The following ABCA12 variants were observed in gnomAD, a reference collection of about 807,000 sequenced individuals.
ABCA12 encodes glucosylceramide transporter ABCA12.
A neutral mutation model predicts 293.5 loss-of-function variants in ABCA12; 156 were observed. The observed-to-expected ratio is 0.53, with a 90% CI of 0.47 to 0.61. The LOEUF (loss-of-function observed/expected upper bound fraction) is 0.61. ABCA12 is among the 20% of genes least tolerant of loss of function. The pLI is 0.00. For synonymous variants in ABCA12, 1,063 were observed against 1,108.0 expected (o/e 0.96, Z 0.81); for missense variants, 2,797 against 3,090.2 (o/e 0.91, Z 2.25).
rs1699448533 is a variant in ABCA12, at chr2:214,973,940, C to G, written c.5562+9G>C. 1.2e-6 allele frequency: 2 copies of G among 1,610,652 alleles called. No homozygotes were observed. Among genetic ancestry groups the G allele is most frequent in the African/African-American group, 2.7e-5 (2 of 74,812 alleles). ...TTTCCCATTTCACTGAAACTGAATTCCATCTTACCTGGACATTTTCTGAGC... is the reference window on the plus strand; with the variant it reads ...TTTCCCATTTCACTGAAACTGAATTGCATCTTACCTGGACATTTTCTGAGC... On this transcript the variant is annotated intron_variant, in intron 36 of 52. Transcript: ENST00000272895.
chr2:215,095,773 C>T (rs1396996805), intron 2 of ABCA12, among the ~76,000 whole-genome samples: 1 of 152,174 alleles, frequency 6.6e-6, no homozygotes, highest in African/African-American at 2.4e-5. Flanking sequence ...TAACTGATGA[C>T]ATTACCTTGT....
At chr2:214,932,840 G>A in intron 52 of ABCA12, 99 bp from the exon 53 acceptor site, 1 of 851,834 alleles carries the variant, frequency 1.2e-6, no homozygotes. Flanking sequence ...CTCTCCTAGT[G>A]CAAGCGTGTA....
At chr2:215,026,632 C>A (rs1700750633) in intron 10 of ABCA12, among the ~76,000 whole-genome samples, 188 bp downstream of exon 10, 1 of 152,170 alleles carries the variant, frequency 6.6e-6, no homozygotes, top group South Asian at 2.1e-4. Context: ...GCAGCAGCAA[C>A]AGAATAATAT....
At chr2:214,981,220 C>T (rs1220966066) in intron 30 of ABCA12, among the ~76,000 whole-genome samples, 2 of 152,000 alleles carry the variant, frequency 1.3e-5, no homozygotes, top group Admixed American at 6.6e-5. Context: ...TAAATGTTCA[C>T]CATTTGTCAT....
chr2:215,001,863 C>G lies in ABCA12; in HGVS notation c.2684-126G>C, dbSNP rs1251011838. 3.5e-6 allele frequency: 3 copies of G among 869,110 alleles called. No individual in the cohort carries two copies. In the African/African-American group the frequency reaches 5.1e-5, roughly 15 times the overall value. 53.8% of individuals were successfully genotyped at this position (869,110 alleles called of 1,614,324 possible). On this transcript the variant is annotated intron_variant, in intron 20 of 52. Coordinates refer to ENST00000272895, the MANE Select transcript of ABCA12 (RefSeq NM_173076.3). ...AAATAACAAAAGCCTGCAGAATTTACTCTAAAAATATCTAGTATTCTACAC... is the reference window on the plus strand; with the variant it reads ...AAATAACAAAAGCCTGCAGAATTTAGTCTAAAAATATCTAGTATTCTACAC...
intron 39 of ABCA12, among the ~76,000 whole-genome samples, chr2:214,959,967 G>A (rs545850886): frequency 9.9e-5 from 15 of 152,200 alleles, no homozygotes; most frequent in Admixed American, 2.6e-4. Context: ...TGTTCCTATA[G>A]TGTCATAAAC....
At chr2:215,057,684 G>A (rs565449957) in intron 3 of ABCA12, among the ~76,000 whole-genome samples, 2 of 152,124 alleles carry the variant, frequency 1.3e-5, no homozygotes, top group East Asian at 3.9e-4. Flanking sequence ...AAAGCCTACA[G>A]TGTATTATGT....
intron 2 of ABCA12, among the ~76,000 whole-genome samples, chr2:215,069,983 G>A (rs897716806): frequency 5.3e-5 from 8 of 152,164 alleles, no homozygotes; most frequent in African/African-American, 1.7e-4. Context: ...GAACCCCTGG[G>A]GGAGTCCGAG....
chr2:215,064,214 G>A lies in ABCA12; in HGVS notation c.169C>T (p.Leu57Phe), dbSNP rs1415034950. The change falls in exon 3 of 53, where the codon CTC (leucine) becomes TTC (phenylalanine). Residue 57 changes from leucine (L) to phenylalanine (F), a missense_variant. By Grantham distance (22) the Leu-to-Phe change is conservative. Coordinates refer to ENST00000272895, the MANE Select transcript of ABCA12 (RefSeq NM_173076.3). ...FPPTAKPTCYLAPRNLPSTGF... is the reference protein window; with the variant it reads ...FPPTAKPTCYFAPRNLPSTGF... ...GTACTAGGAAGGTTTCGAGGTGCGAGGTAACCTAAAATTAAAAAAACAGTC... is the reference window on the plus strand; with the variant it reads ...GTACTAGGAAGGTTTCGAGGTGCGAAGTAACCTAAAATTAAAAAAACAGTC... The A allele has an allele frequency of 6.2e-7, 1 of 1,612,218 alleles. No individual in the cohort carries two copies. Among genetic ancestry groups the A allele is most frequent in the Admixed American group, 1.7e-5 (1 of 59,816 alleles).
chr2:215,055,104 T>C (rs951781643), intron 3 of ABCA12, among the ~76,000 whole-genome samples: 6 of 152,102 alleles, frequency 3.9e-5, no homozygotes, highest in African/African-American at 1.4e-4. Flanking sequence ...AGATGGCCTT[T>C]TAAAGATTTT....
chr2:215,062,295 C>T (rs1701544658), intron 3 of ABCA12, among the ~76,000 whole-genome samples: 1 of 152,112 alleles, frequency 6.6e-6, no homozygotes, highest in Admixed American at 6.6e-5. Flanking sequence ...GAAGGAATGC[C>T]ATTCTTCTTC....
chr2:215,124,768 G>C (rs781509441), intron 1 of ABCA12, among the ~76,000 whole-genome samples: 31 of 152,106 alleles, frequency 2.0e-4, no homozygotes, highest in Non-Finnish European at 1.0e-4. Context: ...TGTTTATTCT[G>C]CTGACTGTTC....
rs113648834 is a variant in ABCA12, at chr2:215,111,629, C to T, written c.131G>A (p.Arg44Gln). 2.6e-5 allele frequency: 42 copies of T among 1,613,016 alleles called. No individual in the cohort carries two copies. The South Asian group carries it at 2.9e-4, about 11-fold the overall frequency. ...TTTTGCAGTTGGAGGAAATTTGGTC[C>T]GAGTAATAGCCAAAATTATGAAAAT... ...VIIFIILAIT[R>Q]TKFPPTAKPT... is the part of the protein sequence containing the mutation. Residue 44 changes from arginine (R) to glutamine (Q), a missense_variant, in exon 2 of 53, where the codon CGG becomes CAG. Physicochemically the swap from Arg to Gln is conservative, Grantham distance 43. Transcript: ENST00000272895.
intron 2 of ABCA12, among the ~76,000 whole-genome samples, chr2:215,096,156 T>C (rs1300733110): frequency 6.6e-6 from 1 of 152,218 alleles, no homozygotes; most frequent in African/African-American, 2.4e-5. Flanking sequence ...ACTATATGCA[T>C]CTATAGACTG....
chr2:214,994,579 G>C (rs1031675563), intron 23 of ABCA12, among the ~76,000 whole-genome samples: 7 of 152,128 alleles, frequency 4.6e-5, no homozygotes, highest in African/African-American at 1.7e-4. Context: ...AGAATGTCAA[G>C]TACTAACTCA....
Position 215,000,746 on chromosome 2 carries a change from G to A in ABCA12, c.3138C>T (p.Val1046=), listed in dbSNP as rs1393203446. ...AGGGATAAGGAATTGCTTGAACCTGGACTGCTATTTCCTGGGAGTTCCTTC... is the reference window on the plus strand; with the variant it reads ...AGGGATAAGGAATTGCTTGAACCTGAACTGCTATTTCCTGGGAGTTCCTTC... ...QTGRNSQEIA[V]QVQAIPYPCF... The change falls in exon 22 of 53, where the codon GTC becomes GTT. Residue 1046 remains valine, a synonymous_variant. Transcript: ENST00000272895. The A allele has an allele frequency of 6.2e-6, 10 of 1,614,040 alleles. No homozygotes were observed. Among genetic ancestry groups the A allele is most frequent in the African/African-American group, 2.7e-5 (2 of 75,022 alleles).
intron 2 of ABCA12, among the ~76,000 whole-genome samples, chr2:215,109,371 T>C (rs1223702948): frequency 6.6e-6 from 1 of 152,224 alleles, no homozygotes; most frequent in Non-Finnish European, 1.5e-5. Flanking sequence ...TCTCCCTGTG[T>C]TGCAGGTTTC....
intron 1 of ABCA12, among the ~76,000 whole-genome samples, chr2:215,134,529 T>TATATGTACATATATGCGTATATATACGC (rs1559214161): frequency 6.1e-5 from 7 of 114,034 alleles, no homozygotes; most frequent in African/African-American, 2.1e-4. Flanking sequence ...TATATATACG[T>TATATGTACATATATGCGTATATATACGC]ATATATGTAC....
rs2105951961 is a variant in ABCA12, at chr2:214,970,395, A to G, written c.5568T>C (p.Cys1856=). ...VCSCSENVQE[C]PKFNYSPPHR... ...GCGGTGGGGAATAGTTAAATTTAGG[A>G]CATTCCTGGAAAATAAAGTTAAAAA... The change falls in exon 37 of 53, where the codon TGT becomes TGC. Residue 1856 remains cysteine (C), a synonymous_variant. Coordinates refer to ENST00000272895, the MANE Select transcript of ABCA12 (RefSeq NM_173076.3). The G allele has an allele frequency of 6.2e-7, 1 of 1,613,016 alleles. No individual in the cohort carries two copies. Among genetic ancestry groups the G allele is most frequent in the East Asian group, 2.2e-5 (1 of 44,788 alleles).
Sources: allele counts gnomAD v4.1 joint callset (sites outside exome capture counted in the v4.1 genomes callset), GRCh38; gene constraint gnomAD v4.1.1; transcripts MANE v1.5; gene names NCBI Gene and HGNC (gene_info 2026-07-23, HGNC 2026-07-21).